TESK2: variants seen among roughly 807,000 people sequenced by gnomAD.
TESK2 encodes dual specificity testis-specific protein kinase 2.
Under a neutral mutation model 57.1 loss-of-function variants are expected in TESK2, and 39 were observed. That is an observed-to-expected ratio of 0.68 (90% CI 0.53 to 0.89). TESK2 has a LOEUF of 0.89. TESK2 is among the 40% of genes least tolerant of loss of function. TESK2 has a pLI of 0.00. For missense variants in TESK2, 646 were observed against 732.1 expected (o/e 0.88, Z 1.36); for synonymous variants, 249 against 267.9 (o/e 0.93, Z 0.69).
chr1:45,418,898 C>T (rs184587229), intron 3 of TESK2, among the ~76,000 whole-genome samples: 1 of 151,660 alleles, frequency 6.6e-6, no homozygotes, highest in African/African-American at 2.4e-5. Context: ...GATATACTTA[C>T]TATGTAATCA....
At chr1:45,448,139 G>A (rs542171175) in intron 2 of TESK2, among the ~76,000 whole-genome samples, 1 of 148,078 alleles carries the variant, frequency 6.8e-6, no homozygotes, top group South Asian at 2.1e-4. Flanking sequence ...TCAGGAGGCT[G>A]AGGTGGGAGG....
intron 2 of TESK2, among the ~76,000 whole-genome samples, chr1:45,435,899 G>A (rs1651183672): frequency 6.6e-6 from 1 of 151,686 alleles, no homozygotes; most frequent in Admixed American, 6.6e-5. Context: ...TCAAGAAAGT[G>A]TCTTGTCCCC....
rs939033963 is a variant in TESK2 at position 45,457,705 on chromosome 1, T to A, written c.81A>T (p.Gly27=). 2.5e-6 allele frequency: 4 copies of A among 1,614,140 alleles called. No homozygotes were observed. Among genetic ancestry groups the A allele is most frequent in the African/African-American group, 2.7e-5 (2 of 75,034 alleles). ...ERLEEFEGGG[G]GEGNVSQVGR... is the part of the protein sequence containing the mutation. ...CCACCTGGCTCACATTTCCTTCTCC[T>A]CCACCACCTCCTTCAAACTCTTCAA... Residue 27 remains glycine, a synonymous_variant, in exon 2 of 11, where the codon GGA becomes GGT. Transcript: ENST00000372086.
At chr1:45,433,898 C>T (rs1312600458) in intron 2 of TESK2, among the ~76,000 whole-genome samples, 1 of 152,004 alleles carries the variant, frequency 6.6e-6, no homozygotes, top group Non-Finnish European at 1.5e-5. Flanking sequence ...TTTACATTCC[C>T]CCCAAGAATA....
At chr1:45,385,661 C>T (rs1484615198) in intron 4 of TESK2, among the ~76,000 whole-genome samples, 2 of 150,318 alleles carry the variant, frequency 1.3e-5, no homozygotes, top group Non-Finnish European at 2.9e-5. Flanking sequence ...AGAAATACTG[C>T]CCATTCTGCA....
intron 10 of TESK2, 66 bp downstream of exon 10, chr1:45,345,811 G>A (rs1647134952): frequency 7.6e-7 from 1 of 1,311,172 alleles, no homozygotes; most frequent in South Asian, 1.2e-5. Flanking sequence ...ACCCTAAGAG[G>A]AGAAGGCCCC....
At chr1:45,417,921 A>G (rs1221357579) in intron 3 of TESK2, among the ~76,000 whole-genome samples, 2 of 152,176 alleles carry the variant, frequency 1.3e-5, no homozygotes, top group Non-Finnish European at 2.9e-5. Context: ...TTACAGTTTC[A>G]GGTTATACTA....
At chr1:45,484,033 C>T (rs902392051) in intron 1 of TESK2, among the ~76,000 whole-genome samples, 1 of 150,454 alleles carries the variant, frequency 6.6e-6, no homozygotes, top group African/African-American at 2.4e-5. Flanking sequence ...GGATTTTCTA[C>T]CGCACAGGGG....
chr1:45,445,504 C>A (rs753133466), intron 2 of TESK2, among the ~76,000 whole-genome samples: 4 of 151,724 alleles, frequency 2.6e-5, no homozygotes, highest in Admixed American at 6.6e-5. Context: ...CAAAAAGCCA[C>A]GACCAGGTGC....
At chr1:45,368,870 T>C (rs939165809) in intron 4 of TESK2, among the ~76,000 whole-genome samples, 7 of 152,114 alleles carry the variant, frequency 4.6e-5, no homozygotes, top group African/African-American at 7.2e-5. Flanking sequence ...TGCCTCAGCC[T>C]CCCAAGAAGC....
intron 3 of TESK2, among the ~76,000 whole-genome samples, chr1:45,389,767 C>A (rs891241644): frequency 6.6e-6 from 1 of 152,124 alleles, no homozygotes; most frequent in African/African-American, 2.4e-5. Context: ...AAAAATAACA[C>A]CACCTTAAAA....
chr1:45,363,955 T>C (rs572373103), intron 4 of TESK2, among the ~76,000 whole-genome samples: 1 of 152,306 alleles, frequency 6.6e-6, no homozygotes, highest in East Asian at 1.9e-4. Context: ...AGTAAGTTGA[T>C]ACATGTAAAA....
intron 3 of TESK2, among the ~76,000 whole-genome samples, chr1:45,387,870 G>A (rs1459370069): frequency 6.6e-6 from 1 of 152,174 alleles, no homozygotes; most frequent in African/African-American, 2.4e-5. Context: ...AGCTGGGCAT[G>A]GTAGCAGGTG....
intron 9 of TESK2, among the ~76,000 whole-genome samples, 185 bp downstream of exon 9, chr1:45,346,508 T>C (rs1474187509): frequency 6.6e-6 from 1 of 151,968 alleles, no homozygotes; most frequent in African/African-American, 2.4e-5. Flanking sequence ...AACTTCTTTC[T>C]TTCCTTTGTC....
chr1:45,374,641 T>C (rs553368986), intron 4 of TESK2, among the ~76,000 whole-genome samples: 2 of 152,114 alleles, frequency 1.3e-5, no homozygotes, highest in Non-Finnish European at 2.9e-5. Context: ...TCCAAATCAA[T>C]GAAACACTCT....
At chr1:45,350,887 A>G (rs535360457) in intron 5 of TESK2, among the ~76,000 whole-genome samples, 1 of 152,352 alleles carries the variant, frequency 6.6e-6, no homozygotes, top group South Asian at 2.1e-4. Flanking sequence ...ACTAACAGTC[A>G]TTCTCTACAT....
intron 3 of TESK2, among the ~76,000 whole-genome samples, chr1:45,420,585 T>G (rs1650431120): frequency 6.8e-6 from 1 of 148,144 alleles, no homozygotes; most frequent in Admixed American, 7.0e-5. Context: ...TTTTTTTTTT[T>G]GAGACGGAGT....
intron 4 of TESK2, among the ~76,000 whole-genome samples, chr1:45,382,381 G>A (rs1360646552): frequency 1.3e-5 from 2 of 152,102 alleles, no homozygotes; most frequent in Non-Finnish European, 2.9e-5. Flanking sequence ...TGGGACTACA[G>A]GTGCATGCTA....
At chr1:45,358,020 A>T (rs950338532) in intron 4 of TESK2, among the ~76,000 whole-genome samples, 2 of 144,754 alleles carry the variant, frequency 1.4e-5, no homozygotes, top group African/African-American at 5.2e-5. Flanking sequence ...AAAAAAAAAA[A>T]AAAAAAAAAA....
Sources: gnomAD v4.1 joint callset for allele counts (sites outside exome capture counted in the v4.1 genomes callset) on GRCh38, gnomAD v4.1.1 for gene constraint, MANE v1.5 for transcripts, NCBI Gene and HGNC (gene_info 2026-07-23, HGNC 2026-07-21) for gene names.